The following LIN28B variants were observed in gnomAD, a reference collection of about 807,000 sequenced individuals.
LIN28B encodes protein lin-28 homolog B.
Under a neutral mutation model 21.9 loss-of-function variants are expected in LIN28B, and 5 were observed. That is an observed-to-expected ratio of 0.23 (90% CI 0.12 to 0.48). The LOEUF (loss-of-function observed/expected upper bound fraction) is 0.48. LIN28B is among the 20% of genes least tolerant of loss of function. The pLI is 0.98. For missense variants in LIN28B, 245 were observed against 310.5 expected, an observed-to-expected ratio of 0.79 and a Z score of 1.58; for synonymous variants, 109 against 111.3, an observed-to-expected ratio of 0.98 and a Z score of 0.13.
rs1302746447 is a variant in LIN28B at position 104,958,073 on chromosome 6, G to A, written c.11-26G>A. 5.4e-6 allele frequency: 8 copies of A among 1,494,094 alleles called. No homozygotes were observed. In the East Asian group the frequency reaches 1.6e-4, roughly 31 times the overall value. 92.6% of individuals were successfully genotyped at this position (1,494,094 alleles called of 1,614,324 possible). On this transcript the variant is annotated intron_variant, in intron 1 of 3. Coordinates refer to ENST00000345080, the MANE Select transcript of LIN28B (RefSeq NM_001004317.4). ...TGCACATTGAATGGGAATACAGACT[G>A]ACTTTTTTGTCCTGTTCCTTCTCAG...
At chr6:104,965,287 T>C (rs1429554118) in intron 2 of LIN28B, among the ~76,000 whole-genome samples, 3 of 152,210 alleles carry the variant, frequency 2.0e-5, no homozygotes, top group Non-Finnish European at 4.4e-5. Context: ...CCCAGCACTT[T>C]GGGAGGCTGA....
chr6:105,051,438 GAA>G (rs574097280), intron 3 of LIN28B, among the ~76,000 whole-genome samples: 1 of 137,236 alleles, frequency 7.3e-6, no homozygotes, highest in Non-Finnish European at 1.6e-5. Context: ...GACTCCGTCT[GAA>G]AAAAAAAAAG....
At chr6:105,053,412 T>TGTGTGC (rs1554190400) in intron 3 of LIN28B, among the ~76,000 whole-genome samples, 1 of 151,090 alleles carries the variant, frequency 6.6e-6, no homozygotes, top group Non-Finnish European at 1.5e-5. Flanking sequence ...TGTGTGTGTG[T>TGTGTGC]GCACGTGCTC....
At chr6:105,071,334 T>C (rs961479039) in intron 3 of LIN28B, among the ~76,000 whole-genome samples, 1 of 152,222 alleles carries the variant, frequency 6.6e-6, no homozygotes, top group Admixed American at 6.5e-5. Context: ...TCAATACATA[T>C]AAATTTACCT....
intron 3 of LIN28B, among the ~76,000 whole-genome samples, chr6:105,059,296 GCC>G (rs1772081621): frequency 6.6e-6 from 1 of 151,938 alleles, no homozygotes; most frequent in Non-Finnish European, 1.5e-5. Context: ...TTCTTAGAAA[GCC>G]TAACTGGTTC....
chr6:104,943,291 G>A lies in LIN28B; in HGVS notation c.18+6175G>A, dbSNP rs142646356. Among the ~76,000 whole-genome samples, 79 of 152,152 alleles carry A rather than the reference G, an allele frequency of 5.2e-4. 1 individual carries two copies. Among genetic ancestry groups the A allele is most frequent in the African/African-American group, 1.7e-3 (72 of 41,538 alleles). On this transcript the variant is annotated intron_variant, in intron 2 of 5. Coordinates refer to the LIN28B transcript ENST00000635857. ...AAAAGTTTGATAATGCTTGGTATCT[G>A]ATCTGGTAACATGATTAGGGTTTTG... is the stretch of plus-strand genomic sequence containing the variant.
intron 2 of LIN28B, among the ~76,000 whole-genome samples, chr6:104,975,138 T>A (rs1770061374): frequency 6.6e-6 from 1 of 152,152 alleles, no homozygotes; most frequent in East Asian, 1.9e-4. Context: ...TTTGAAATTT[T>A]TGAATATTAT....
intron 2 of LIN28B, among the ~76,000 whole-genome samples, chr6:104,988,824 C>T (rs980059185): frequency 3.9e-5 from 6 of 152,174 alleles, no homozygotes; most frequent in African/African-American, 1.4e-4. Context: ...GGTGATCCAC[C>T]TGCCTTGGCC....
At position 105,078,763 on chromosome 6, in the gene LIN28B, C is replaced by A; in HGVS notation, c.733C>A (p.Gln245Lys). The A allele has an allele frequency of 1.2e-6, 2 of 1,606,478 alleles. No homozygotes were observed. Among genetic ancestry groups the A allele is most frequent in the Admixed American group, 1.7e-5 (1 of 57,556 alleles). The change falls in exon 4 of 4, where the codon CAA becomes AAA. Residue 245 changes from glutamine (Q) to lysine (K), a missense_variant. Coordinates refer to ENST00000345080, the MANE Select transcript of LIN28B (RefSeq NM_001004317.4). ...GCAAAGCAAAAAGGGGCCTTCAGTT[C>A]AAAAAAGGAAAAAGACATAACAGGT... ...EEQSKKGPSV[Q>K]KRKKT
intron 3 of LIN28B, among the ~76,000 whole-genome samples, chr6:105,054,811 TC>T (rs1258405362): frequency 6.6e-6 from 1 of 151,526 alleles, no homozygotes; most frequent in Non-Finnish European, 1.5e-5. Context: ...CCAGTGAGTT[TC>T]CATGTGGTTA....
intron 2 of LIN28B, among the ~76,000 whole-genome samples, chr6:104,946,174 A>G (rs1778154366): frequency 6.6e-6 from 1 of 152,062 alleles, no homozygotes; most frequent in Admixed American, 6.6e-5. Flanking sequence ...AATTGTAAAA[A>G]TATTTCACCG....
intron 2 of LIN28B, among the ~76,000 whole-genome samples, chr6:104,970,809 G>A (rs1453711998): frequency 6.6e-6 from 1 of 152,112 alleles, no homozygotes; most frequent in Non-Finnish European, 1.5e-5. Flanking sequence ...GAATTAATTA[G>A]ATGTATTTCT....
intron 3 of LIN28B, among the ~76,000 whole-genome samples, chr6:105,036,472 C>T (rs1771524700): frequency 6.6e-6 from 1 of 152,230 alleles, no homozygotes; most frequent in African/African-American, 2.4e-5. Context: ...GATTATTTGG[C>T]CAGGGATCTC....
At chr6:105,003,185 A>G (rs1192141019) in intron 2 of LIN28B, among the ~76,000 whole-genome samples, 1 of 152,222 alleles carries the variant, frequency 6.6e-6, no homozygotes, top group East Asian at 1.9e-4. Flanking sequence ...AAAGATACTG[A>G]TAAAGGTGCT....
chr6:105,033,413 A>G (rs1282311171), intron 3 of LIN28B, among the ~76,000 whole-genome samples: 1 of 152,080 alleles, frequency 6.6e-6, no homozygotes, highest in Non-Finnish European at 1.5e-5. Context: ...AAAAATGTAA[A>G]ATAATTTTGA....
At chr6:104,956,152 G>A (rs1778286622), upstream of LIN28B, among the ~76,000 whole-genome samples, 1 of 150,782 alleles carries the variant, frequency 6.6e-6, no homozygotes, top group Non-Finnish European at 1.5e-5. Flanking sequence ...TGCCCGCGCC[G>A]GCTTTTTTTC....
intron 2 of LIN28B, among the ~76,000 whole-genome samples, chr6:104,987,508 CA>C (rs1434222405): frequency 6.6e-6 from 1 of 152,008 alleles, no homozygotes; most frequent in Non-Finnish European, 1.5e-5. Context: ...TATGCCCAGC[CA>C]AATTTTTTTA....
At chr6:105,038,645 G>A (rs186129386) in intron 3 of LIN28B, among the ~76,000 whole-genome samples, 13 of 152,232 alleles carry the variant, frequency 8.5e-5, no homozygotes, top group East Asian at 7.7e-4. Flanking sequence ...GGTGCTAGCC[G>A]TAACCAAACT....
At chr6:104,955,730 T>C (rs1446499612), upstream of LIN28B, among the ~76,000 whole-genome samples, 13 of 149,792 alleles carry the variant, frequency 8.7e-5, no homozygotes, top group South Asian at 2.2e-3. Context: ...AAGTGGTATC[T>C]GAACAGTTAG....
Sources: gnomAD v4.1 joint callset for allele counts (sites outside exome capture counted in the v4.1 genomes callset) on GRCh38, gnomAD v4.1.1 for gene constraint, MANE v1.5 for transcripts, NCBI Gene and HGNC (gene_info 2026-07-23, HGNC 2026-07-21) for gene names.